Variants in ASB18 observed in about 807,000 individuals in gnomAD.
ASB18 encodes ankyrin repeat and SOCS box protein 18.
ASB18 carries 33 observed loss-of-function variants against 33.4 expected under a neutral mutation model. The ratio of observed to expected loss-of-function variants is 0.99; its 90% CI spans 0.75 to 1.32. The LOEUF (loss-of-function observed/expected upper bound fraction) is 1.32. Ranked by LOEUF, ASB18 falls within the 40% of genes most tolerant of loss-of-function variation. The pLI is 0.00. For missense variants in ASB18, 694 were observed against 655.5 expected (o/e 1.06, Z -0.64); for synonymous variants, 295 against 307.6 (o/e 0.96, Z 0.43).
Position 236,213,995 on chromosome 2 carries a change from A to C in ASB18, c.1101+367T>G. On this transcript the variant is annotated intron_variant, in intron 4 of 5. Coordinates refer to ENST00000409749, the MANE Select transcript of ASB18 (RefSeq NM_212556.4). The surrounding 1 kb of genome is among the most constrained non-coding windows in gnomAD (Gnocchi z 4.8). The stretch of plus-strand genomic sequence containing the variant: ...ATGACACTGATGATGAGCTGCCAAA[A>C]TATTTTGAGCTCTGACTGCATCATC... 1 of 216,694 alleles carries C rather than the reference A, an allele frequency of 4.6e-6. No homozygotes were observed. Among genetic ancestry groups the C allele is most frequent in the Non-Finnish European group, 9.1e-6 (1 of 109,948 alleles). The allele number at this position is 216,694 out of a possible 1,614,324, so 13.4% of individuals were successfully genotyped here. A position where few individuals can be genotyped will look rare whatever the true frequency, so the allele number is the denominator to read the frequency against.
At position 236,241,511 on chromosome 2, in the gene ASB18, G is replaced by T; in HGVS notation, c.206-109C>A. 7.4e-7 allele frequency: 1 copy of T among 1,348,766 alleles called. No individual in the cohort carries two copies. The highest frequency in any genetic ancestry group is 1.0e-6 in the Non-Finnish European group (1 of 959,420). The allele number at this position is 1,348,766 out of a possible 1,614,324, so 83.5% of individuals were successfully genotyped here. A position where few individuals can be genotyped will look rare whatever the true frequency, so the allele number is the denominator to read the frequency against. ...AGTTTTCCTCTCACTGGCCCTGGCT[G>T]TCTCTCCATTGAGATGCCGTCGATT... On this transcript the variant is annotated intron_variant, in intron 1 of 5. Coordinates refer to ENST00000409749, the MANE Select transcript of ASB18 (RefSeq NM_212556.4). The surrounding 1 kb of genome is among the most constrained non-coding windows in gnomAD (Gnocchi z 4.2).
chr2:236,259,538 G>T lies in ASB18; in HGVS notation c.205+4603C>A, dbSNP rs1381273087. ...TGCACGATTTCTGTCCCAGTGGGAA[G>T]GGATGGCCTTCCAGTGGACGTGACC... On this transcript the variant is annotated intron_variant, in intron 1 of 5. Transcript: ENST00000409749. This position sits in a 1 kb window ranked among gnomAD's most constrained non-coding sequence, Gnocchi z 4.4. 4.2e-6 allele frequency: 2 copies of T among 471,176 alleles called. No homozygotes were observed. Among genetic ancestry groups the T allele is most frequent in the Non-Finnish European group, 8.8e-6 (2 of 227,028 alleles). The allele number at this position is 471,176 out of a possible 1,614,324, so 29.2% of individuals were successfully genotyped here.
rs1273338771 is a variant in ASB18 at position 236,196,279 on chromosome 2, A to G, written c.1208T>C (p.Val403Ala). 3.2e-6 allele frequency: 5 copies of G among 1,543,754 alleles called. No homozygotes were observed. The highest frequency in any genetic ancestry group is 1.7e-4 in the Middle Eastern group (1 of 5,970). The change falls in exon 5 of 6, where the codon GTA (valine) becomes GCA (alanine). Residue 403 changes from valine (V) to alanine (A), a missense_variant. Transcript: ENST00000409749. The surrounding 1 kb of genome is among the most constrained non-coding windows in gnomAD (Gnocchi z 5.6). Reference protein sequence around the residue: ...ESWKEVIPEEVFQMHKPFYQS... With the variant: ...ESWKEVIPEEAFQMHKPFYQS... ...GAAAGGCAGCCCTCTTGCCTGGAAT[A>G]CTTCCTCAGGAATCACTTCCTTCCA... is the stretch of plus-strand genomic sequence containing the variant.
intron 4 of ASB18, among the ~76,000 whole-genome samples, chr2:236,199,477 C>A (rs1234323810): frequency 6.7e-6 from 1 of 148,730 alleles, no homozygotes; most frequent in East Asian, 1.9e-4. Flanking sequence ...TAAAACAGGC[C>A]CTATTTGGCT....
rs191344815 is a variant in ASB18 at position 236,263,227 on chromosome 2, C to T, written c.205+914G>A. On this transcript the variant is annotated intron_variant, in intron 1 of 5. Coordinates refer to ENST00000409749, the MANE Select transcript of ASB18 (RefSeq NM_212556.4). The surrounding 1 kb of genome is among the most constrained non-coding windows in gnomAD (Gnocchi z 4.0). ...TAACAAAGGGATGATGTCTATGTTA[C>T]GTGAAGAAGTCCTACAAAATGATAA... Among the ~76,000 whole-genome samples, 15 of 152,308 alleles carry T rather than the reference C, an allele frequency of 9.8e-5. No individual in the cohort carries two copies. The highest frequency in any genetic ancestry group is 1.9e-4 in the Non-Finnish European group (13 of 68,032).
rs2060531033 is a variant in ASB18 at position 236,225,102 on chromosome 2, A to G, written c.597-10236T>C. ...TAGCTGCTTTTATAGATCCAACTCC[A>G]GCTCATGAATCATTTTTAATTTATT... On this transcript the variant is annotated intron_variant, in intron 3 of 5. Coordinates refer to ENST00000409749, the MANE Select transcript of ASB18 (RefSeq NM_212556.4). The surrounding 1 kb of genome is among the most constrained non-coding windows in gnomAD (Gnocchi z 5.1). Among the ~76,000 whole-genome samples the G allele has an allele frequency of 6.6e-6, 1 of 152,140 alleles. No homozygotes were observed. The highest frequency in any genetic ancestry group is 2.1e-4 in the South Asian group (1 of 4,830).
In ASB18 at chr2:236,215,158, G is replaced by C. The variant is rs2060482142; in HGVS notation, c.597-292C>G. On this transcript the variant is annotated intron_variant, in intron 3 of 5. Coordinates refer to ENST00000409749, the MANE Select transcript of ASB18 (RefSeq NM_212556.4). The surrounding 1 kb of genome is among the most constrained non-coding windows in gnomAD (Gnocchi z 7.2). ...TAACTGCTTGGAGCTTCCTGGGAAG[G>C]TGATGTGGTTCAAATGACGGTGCTC... 6.6e-6 allele frequency among the ~76,000 whole-genome samples: 1 copy of C among 152,158 alleles called. No homozygotes were observed. Among genetic ancestry groups the C allele is most frequent in the African/African-American group, 2.4e-5 (1 of 41,430 alleles).
Position 236,215,153 on chromosome 2 carries a change from G to T in ASB18, c.597-287C>A, listed in dbSNP as rs1215338222. ...AATTTTAACTGCTTGGAGCTTCCTG[G>T]GAAGGTGATGTGGTTCAAATGACGG... On this transcript the variant is annotated intron_variant, in intron 3 of 5. Transcript: ENST00000409749. This position sits in a 1 kb window ranked among gnomAD's most constrained non-coding sequence, Gnocchi z 7.2. Among the ~76,000 whole-genome samples the T allele has an allele frequency of 6.6e-6, 1 of 152,150 alleles. No homozygotes were observed. Among genetic ancestry groups the T allele is most frequent in the Non-Finnish European group, 1.5e-5 (1 of 68,014 alleles).
chr2:236,261,009 A>G (rs1483172854), intron 1 of ASB18, among the ~76,000 whole-genome samples: 1 of 152,174 alleles, frequency 6.6e-6, no homozygotes, highest in Admixed American at 6.5e-5. Context: ...CTGAGGTTAC[A>G]CAGCTCAGTG....
chr2:236,261,460 G>T (rs1245179910), intron 1 of ASB18, among the ~76,000 whole-genome samples: 1 of 152,166 alleles, frequency 6.6e-6, no homozygotes, highest in Non-Finnish European at 1.5e-5. Flanking sequence ...GTCTGACCGT[G>T]TTGCTCCCTG....
At position 236,259,461 on chromosome 2, in the gene ASB18, C is replaced by A. The variant is rs573644023; in HGVS notation, c.205+4680G>T. ...TAAAAAGCAGCCTAGCAAGGCCATG[C>A]ACTTCCGTAATGGATGGAGACTAAG... On this transcript the variant is annotated intron_variant, in intron 1 of 5. Transcript: ENST00000409749. This position sits in a 1 kb window ranked among gnomAD's most constrained non-coding sequence, Gnocchi z 4.4. The A allele has an allele frequency of 5.2e-5, 24 of 463,746 alleles. No homozygotes were observed. The highest frequency in any genetic ancestry group is 3.0e-4 in the African/African-American group (15 of 50,134). The allele number at this position is 463,746 out of a possible 1,614,324, so 28.7% of individuals were successfully genotyped here. A position where few individuals can be genotyped will look rare whatever the true frequency, so the allele number is the denominator to read the frequency against.
At chr2:236,243,881 C>T (rs990134269) in intron 1 of ASB18, among the ~76,000 whole-genome samples, 4 of 152,020 alleles carry the variant, frequency 2.6e-5, no homozygotes, top group African/African-American at 4.8e-5. Context: ...GGCTGGAGTA[C>T]GGTGATGTGA....
In ASB18 at chr2:236,196,379, T is replaced by C; in HGVS notation, c.1108A>G (p.Lys370Glu). 6.4e-7 allele frequency: 1 copy of C among 1,555,266 alleles called. No homozygotes were observed. Among genetic ancestry groups the C allele is most frequent in the Non-Finnish European group, 8.7e-7 (1 of 1,147,036 alleles). ...ACTGCGGGGACAGATGCACAGGTCT[T>C]CAGCACCTGGTGGGAAGAGGTGAAA... is the stretch of plus-strand genomic sequence containing the variant. ...VWPDAFPKVLKTCASVPAVIE... is the reference protein window; with the variant it reads ...VWPDAFPKVLETCASVPAVIE... The change falls in exon 5 of 6, where the codon AAG becomes GAG. Residue 370 changes from lysine (K) to glutamate (E), a missense_variant. Coordinates refer to ENST00000409749, the MANE Select transcript of ASB18 (RefSeq NM_212556.4). This position sits in a 1 kb window ranked among gnomAD's most constrained non-coding sequence, Gnocchi z 5.6.
Position 236,262,020 on chromosome 2 carries a change from G to C in ASB18, c.205+2121C>G, listed in dbSNP as rs938190058. On this transcript the variant is annotated intron_variant, in intron 1 of 5. Transcript: ENST00000409749. This position sits in a 1 kb window ranked among gnomAD's most constrained non-coding sequence, Gnocchi z 5.2. ...GAGCTATAATTCAAGATGAGATTTG[G>C]GTGGGGACACAGCCAAACCATATCA... Among the ~76,000 whole-genome samples the C allele has an allele frequency of 1.3e-5, 2 of 152,138 alleles. No individual in the cohort carries two copies. The highest frequency in any genetic ancestry group is 2.4e-5 in the African/African-American group (1 of 41,420).
At position 236,200,587 on chromosome 2, in the gene ASB18, G is replaced by A. The variant is rs766407452; in HGVS notation, c.1102-4202C>T. Among the ~76,000 whole-genome samples the A allele has an allele frequency of 1.3e-5, 2 of 152,166 alleles. No individual in the cohort carries two copies. The highest frequency in any genetic ancestry group is 2.9e-5 in the Non-Finnish European group (2 of 68,030). ...GCCTGAGGCAAAGAGCCAGCCCAGA[G>A]AATGCATGTTCTGCCCTCACTCTCC... On this transcript the variant is annotated intron_variant, in intron 4 of 5. Transcript: ENST00000409749. This position sits in a 1 kb window ranked among gnomAD's most constrained non-coding sequence, Gnocchi z 4.2.
Position 236,237,786 on chromosome 2 carries a change from A to G in ASB18, c.499T>C (p.Cys167Arg), listed in dbSNP as rs1394850482. 6.9e-7 allele frequency: 1 copy of G among 1,441,634 alleles called. No homozygotes were observed. Among genetic ancestry groups the G allele is most frequent in the Admixed American group, 2.6e-5 (1 of 38,830 alleles). The allele number at this position is 1,441,634 out of a possible 1,614,324, so 89.3% of individuals were successfully genotyped here. A position where few individuals can be genotyped will look rare whatever the true frequency, so the allele number is the denominator to read the frequency against. The change falls in exon 3 of 6, where the codon TGC (cysteine) becomes CGC (arginine). Residue 167 changes from cysteine (C) to arginine (R), a missense_variant. By Grantham distance (180) the Cys-to-Arg change is radical. Transcript: ENST00000409749. The surrounding 1 kb of genome is among the most constrained non-coding windows in gnomAD (Gnocchi z 6.2). The part of the protein sequence containing the change: ...HEACLGGHTA[C>R]VRLLLQHRAD... ...CGGTGCTGCAGCAGCAGGCGGACGC[A>G]GGCGGTGTGGCCCCCGAGGCAGGCC...
chr2:236,197,619 C>G (rs551238310), intron 4 of ASB18, among the ~76,000 whole-genome samples: 11 of 152,160 alleles, frequency 7.2e-5, no homozygotes, highest in African/African-American at 2.2e-4. Flanking sequence ...GTTGGGAGTT[C>G]AAGAGCAGCC....
chr2:236,200,929 C>T lies in ASB18; in HGVS notation c.1102-4544G>A, dbSNP rs2060397777. ...ATTTTTGCCTTTATCATTATTAACTCCTTTCTCCTATCTCCTTAGGTATGT... is the reference window on the plus strand; with the variant it reads ...ATTTTTGCCTTTATCATTATTAACTTCTTTCTCCTATCTCCTTAGGTATGT... On this transcript the variant is annotated intron_variant, in intron 4 of 5. Coordinates refer to ENST00000409749, the MANE Select transcript of ASB18 (RefSeq NM_212556.4). This position sits in a 1 kb window ranked among gnomAD's most constrained non-coding sequence, Gnocchi z 4.2. Among the ~76,000 whole-genome samples the T allele has an allele frequency of 6.6e-6, 1 of 152,066 alleles. No individual in the cohort carries two copies. The highest frequency in any genetic ancestry group is 1.5e-5 in the Non-Finnish European group (1 of 68,006).
rs983576821 is a variant in ASB18, at chr2:236,215,103, C to T, written c.597-237G>A. On this transcript the variant is annotated intron_variant, in intron 3 of 5. Coordinates refer to ENST00000409749, the MANE Select transcript of ASB18 (RefSeq NM_212556.4). The surrounding 1 kb of genome is among the most constrained non-coding windows in gnomAD (Gnocchi z 7.2). ...GCAAAGGATATGCCATAAGAATCCA[C>T]GTGCAGAGTTACAATTTATAAGGAA... Among the ~76,000 whole-genome samples, 2 of 151,526 alleles carry T rather than the reference C, an allele frequency of 1.3e-5. No individual in the cohort carries two copies. Among genetic ancestry groups the T allele is most frequent in the African/African-American group, 2.4e-5 (1 of 41,250 alleles).
Sources: gnomAD v4.1 joint callset for allele counts (sites outside exome capture counted in the v4.1 genomes callset) on GRCh38, gnomAD v4.1.1 for gene constraint, Gnocchi (gnomAD v3.1) non-coding constraint, MANE v1.5 for transcripts, NCBI Gene and HGNC (gene_info 2026-07-23, HGNC 2026-07-21) for gene names.